Variants in MANEA observed in about 807,000 individuals in gnomAD.
The protein encoded by MANEA is glycoprotein endo-alpha-1,2-mannosidase.
A neutral mutation model predicts 36.8 loss-of-function variants in MANEA; 25 were observed. That is an observed-to-expected ratio of 0.68 (90% CI 0.50 to 0.95). The LOEUF is 0.95. Ranked by LOEUF, MANEA falls within the 40% of genes least tolerant of loss-of-function variation. The pLI is 0.00. For missense variants in MANEA, 565 were observed against 558.8 expected, an observed-to-expected ratio of 1.01 and a Z score of -0.11; for synonymous variants, 198 against 188.5, an observed-to-expected ratio of 1.05 and a Z score of -0.41.
At chr6:95,584,436 C>T (rs560704856) in intron 1 of MANEA, among the ~76,000 whole-genome samples, 6 of 152,242 alleles carry the variant, frequency 3.9e-5, no homozygotes, top group Middle Eastern at 3.4e-3. Context: ...CTGTCCTATG[C>T]GGTTGAGATA....
intron 1 of MANEA, among the ~76,000 whole-genome samples, chr6:95,582,743 C>A (rs895851263): frequency 6.6e-6 from 1 of 152,168 alleles, no homozygotes; most frequent in Non-Finnish European, 1.5e-5. Context: ...AACACACATA[C>A]CCTTACTTAT....
intron 3 of MANEA, 21 bp downstream of exon 3, chr6:95,596,867 G>C: frequency 1.6e-6 from 2 of 1,246,826 alleles, no homozygotes; most frequent in Non-Finnish European, 2.4e-6. Context: ...TTATTTTCAA[G>C]CTATACATAA....
At chr6:95,591,168 A>G (rs569708738) in intron 2 of MANEA, among the ~76,000 whole-genome samples, 1 of 152,302 alleles carries the variant, frequency 6.6e-6, no homozygotes, top group Non-Finnish European at 1.5e-5. Context: ...TTCCATTTCT[A>G]CTGTTCCCCA....
chr6:95,583,433 A>G (rs1340564461), intron 1 of MANEA, among the ~76,000 whole-genome samples: 2 of 152,118 alleles, frequency 1.3e-5, no homozygotes, highest in Non-Finnish European at 2.9e-5. Flanking sequence ...ATGTGTACAT[A>G]TGCACATACA....
chr6:95,578,191 T>C (rs1208291643), intron 1 of MANEA, among the ~76,000 whole-genome samples: 1 of 152,214 alleles, frequency 6.6e-6, no homozygotes, highest in Admixed American at 6.5e-5. Context: ...TCAGTTCACC[T>C]GTTAACGTGT....
At chr6:95,585,902 C>T (rs1769270607) in intron 1 of MANEA, among the ~76,000 whole-genome samples, 1 of 151,962 alleles carries the variant, frequency 6.6e-6, no homozygotes, top group Non-Finnish European at 1.5e-5. Flanking sequence ...GTGACTCATA[C>T]CTGTAATCCT....
intron 1 of MANEA, among the ~76,000 whole-genome samples, chr6:95,580,233 C>T (rs1371468277): frequency 6.6e-6 from 1 of 151,754 alleles, no homozygotes; most frequent in East Asian, 1.9e-4. Context: ...TATATATATA[C>T]ACACACACTG....
At position 95,608,459 on chromosome 6, in the gene MANEA, T is replaced by C. The variant is rs1769758042; in HGVS notation, c.*2054T>C. 1 of 151,830 alleles carries C rather than the reference T, an allele frequency of 6.6e-6. No individual in the cohort carries two copies. Among genetic ancestry groups the C allele is most frequent in the Admixed American group, 6.6e-5 (1 of 15,226 alleles). The allele number at this position is 151,830 out of a possible 1,614,324, so 9.4% of individuals were successfully genotyped here. On this transcript the variant is annotated 3_prime_UTR_variant, in exon 5 of 5. Coordinates refer to ENST00000358812, the MANE Select transcript of MANEA (RefSeq NM_024641.4). Reference sequence around the variant, plus strand: ...CACTTTCTTTTTCCCATTATAGACATGGTGAATCCACACAGCATACTTCAT... The same window carrying C: ...CACTTTCTTTTTCCCATTATAGACACGGTGAATCCACACAGCATACTTCAT...
intron 2 of MANEA, among the ~76,000 whole-genome samples, chr6:95,590,821 T>G (rs1769374659): frequency 6.6e-6 from 1 of 152,210 alleles, no homozygotes; most frequent in African/African-American, 2.4e-5. Context: ...ATATTCCCTA[T>G]GTTTCCCTCC....
intron 2 of MANEA, among the ~76,000 whole-genome samples, chr6:95,595,225 AT>A (rs1769462463): frequency 6.6e-6 from 1 of 152,044 alleles, no homozygotes; most frequent in Non-Finnish European, 1.5e-5. Flanking sequence ...TTTTGTTGTC[AT>A]TCTTATTTTC....
intron 1 of MANEA, among the ~76,000 whole-genome samples, chr6:95,580,782 A>G (rs921903275): frequency 2.6e-5 from 4 of 152,106 alleles, no homozygotes; most frequent in South Asian, 2.1e-4. Context: ...TAACAATAAA[A>G]TATATGAGGA....
intron 3 of MANEA, among the ~76,000 whole-genome samples, chr6:95,603,655 C>G (rs1021535809): frequency 1.3e-5 from 2 of 151,918 alleles, no homozygotes; most frequent in Non-Finnish European, 2.9e-5. Context: ...AGAGGAGTTT[C>G]ATATTGCAAT....
At position 95,606,266 on chromosome 6, in the gene MANEA, A is replaced by G. The variant is rs1769710514; in HGVS notation, c.1250A>G (p.Lys417Arg). 1 of 1,613,736 alleles carries G rather than the reference A, an allele frequency of 6.2e-7. No individual in the cohort carries two copies. The highest frequency in any genetic ancestry group is 8.5e-7 in the Non-Finnish European group (1 of 1,179,978). The change falls in exon 5 of 5, where the codon AAA (lysine) becomes AGA (arginine). Residue 417 changes from lysine (K) to arginine (R), a missense_variant. Coordinates refer to ENST00000358812, the MANE Select transcript of MANEA (RefSeq NM_024641.4). ...EGTQIEKAVP[K>R]RTSNTVYLDY... is the part of the protein sequence containing the mutation. Reference sequence around the variant, plus strand: ...ACTCAGATTGAAAAAGCTGTTCCCAAAAGAACCAGTAATACAGTGTACCTA... The same window carrying G: ...ACTCAGATTGAAAAAGCTGTTCCCAGAAGAACCAGTAATACAGTGTACCTA...
intron 1 of MANEA, among the ~76,000 whole-genome samples, chr6:95,579,115 A>G (rs1458683255): frequency 6.6e-6 from 1 of 152,204 alleles, no homozygotes; most frequent in Non-Finnish European, 1.5e-5. Flanking sequence ...TCACGCCTGT[A>G]ATCCCAGCAC....
rs369467389 is a variant in MANEA, at chr6:95,604,061, G to GGGGTGT, written c.655-765_655-764insGGTGTG. 9.6e-3 allele frequency among the ~76,000 whole-genome samples: 1,330 copies of GGGGTGT among 138,378 alleles called. 28 individuals carry two copies. Among genetic ancestry groups the GGGGTGT allele is most frequent in the African/African-American group, 0.033 (1,237 of 37,300 alleles). The allele number at this position is 138,378 out of a possible 152,430, so 90.8% of individuals were successfully genotyped here. On this transcript the variant is annotated intron_variant, in intron 3 of 4. Coordinates refer to ENST00000358812, the MANE Select transcript of MANEA (RefSeq NM_024641.4). Reference sequence around the variant, plus strand: ...GTATGTGTGCGTATATATGTATGTAGGTGTGTGTGTGTGTGTGTGTGTGTG... The same window carrying GGGGTGT: ...GTATGTGTGCGTATATATGTATGTAGGGGTGTGTGTGTGTGTGTGTGTGTGTGTGTG...
chr6:95,583,495 G>A (rs147010319), intron 1 of MANEA, among the ~76,000 whole-genome samples: 149 of 151,852 alleles, frequency 9.8e-4, no homozygotes, highest in Non-Finnish European at 1.3e-3. Context: ...TATGCATATC[G>A]TATATACAGT....
intron 3 of MANEA, among the ~76,000 whole-genome samples, chr6:95,603,281 T>C (rs1052473454): frequency 1.3e-5 from 2 of 151,970 alleles, no homozygotes; most frequent in African/African-American, 2.4e-5. Flanking sequence ...AATGGAAATT[T>C]AGAAAACACA....
chr6:95,606,079 A>G lies in MANEA; in HGVS notation c.1063A>G (p.Ser355Gly). 1 of 1,614,032 alleles carries G rather than the reference A, an allele frequency of 6.2e-7. No individual in the cohort carries two copies. Among genetic ancestry groups the G allele is most frequent in the Non-Finnish European group, 8.5e-7 (1 of 1,179,940 alleles). ...CDKYNLIFIP[S>G]VGPGYIDTSI... ...TAAATACAACTTAATATTTATCCCA[A>G]GTGTGGGCCCAGGATACATAGATAC... is the stretch of plus-strand genomic sequence containing the variant. Residue 355 changes from serine to glycine, a missense_variant, in exon 5 of 5, where the codon AGT becomes GGT. Physicochemically the swap from Ser to Gly is moderately conservative, Grantham distance 56 (BLOSUM62 0). Transcript: ENST00000358812.
intron 2 of MANEA, chr6:95,588,150 T>C (rs1769322091): frequency 6.6e-6 from 1 of 152,098 alleles, no homozygotes; most frequent in Admixed American, 6.5e-5. Context: ...TTTGTTAATA[T>C]AGTCTTTGTA....
Sources: gnomAD v4.1 joint callset for allele counts (sites outside exome capture counted in the v4.1 genomes callset) on GRCh38, gnomAD v4.1.1 for gene constraint, MANE v1.5 for transcripts, NCBI Gene and HGNC (gene_info 2026-07-23, HGNC 2026-07-21) for gene names.